ITGA8: variants seen among roughly 807,000 people sequenced by gnomAD.
ITGA8 encodes integrin subunit alpha 8.
A neutral mutation model predicts 142.3 loss-of-function variants in ITGA8; 91 were observed. The observed-to-expected ratio is 0.64, with a 90% confidence interval of 0.54 to 0.76. The LOEUF (loss-of-function observed/expected upper bound fraction) is 0.76. Ranked by LOEUF, ITGA8 falls within the 30% of genes least tolerant of loss-of-function variation. The pLI is 0.00. For missense variants in ITGA8, 1,406 were observed against 1,327.7 expected, an observed-to-expected ratio of 1.06 and a Z score of -0.92; for synonymous variants, 505 against 485.2, an observed-to-expected ratio of 1.04 and a Z score of -0.54.
intron 2 of ITGA8, among the ~76,000 whole-genome samples, chr10:15,694,322 T>TAATATATCATATATCA (rs1564412417): frequency 4.2e-4 from 5 of 11,932 alleles, no homozygotes; most frequent in African/African-American, 6.4e-4. Flanking sequence ...ATCATATATA[T>TAATATATCATATATCA]GATAATATAT....
chr10:15,538,232 G>A (rs138207226), intron 27 of ITGA8, among the ~76,000 whole-genome samples: 1,918 of 152,272 alleles, frequency 0.013, 10 homozygotes, highest in Middle Eastern at 0.027. Flanking sequence ...TCTATAGTTG[G>A]CCAGGTGCAG....
At chr10:15,591,678 C>T (rs1832925419) in intron 22 of ITGA8, among the ~76,000 whole-genome samples, 1 of 152,092 alleles carries the variant, frequency 6.6e-6, no homozygotes, top group African/African-American at 2.4e-5. Flanking sequence ...ACAGCATCAG[C>T]CTTAGAAAAG....
At chr10:15,553,229 C>T (rs186109665) in intron 26 of ITGA8, among the ~76,000 whole-genome samples, 1 of 151,786 alleles carries the variant, frequency 6.6e-6, no homozygotes, top group African/African-American at 2.4e-5. Flanking sequence ...CGCACTCCAG[C>T]CTGGGCGACA....
In ITGA8 at chr10:15,666,113, T is replaced by C. The variant is rs568962213; in HGVS notation, c.848-5191A>G. The stretch of plus-strand genomic sequence containing the variant: ...AATCTATAAATTACCTTGGGCAGTA[T>C]GGCCATTTTCAAAATATTGATTCTT... On this transcript the variant is annotated intron_variant, in intron 8 of 29. Transcript: ENST00000378076. 1.1e-4 allele frequency among the ~76,000 whole-genome samples: 17 copies of C among 152,332 alleles called. No individual in the cohort carries two copies. In the South Asian group the frequency reaches 3.3e-3, roughly 30 times the overall value.
intron 24 of ITGA8, 73 bp downstream of exon 24, chr10:15,575,416 T>C: frequency 9.8e-7 from 1 of 1,023,228 alleles, no homozygotes; most frequent in African/African-American, 1.6e-5. Context: ...ATGATAATAA[T>C]GCTACATAGA....
At chr10:15,580,034 G>GA (rs1399987330) in intron 23 of ITGA8, among the ~76,000 whole-genome samples, 2 of 113,156 alleles carry the variant, frequency 1.8e-5, no homozygotes, top group Admixed American at 1.9e-4. Context: ...AGAAAAGAAA[G>GA]AAAAAATAAA....
At chr10:15,683,907 G>T in intron 4 of ITGA8, 97 bp downstream of exon 4, 2 of 1,438,370 alleles carry the variant, frequency 1.4e-6, no homozygotes, top group Non-Finnish European at 1.9e-6. Flanking sequence ...TTGCAACCCT[G>T]TAAGTTATCA....
At chr10:15,526,145 A>T (rs1833169788) in intron 28 of ITGA8, among the ~76,000 whole-genome samples, 1 of 151,906 alleles carries the variant, frequency 6.6e-6, no homozygotes, top group African/African-American at 2.4e-5. Context: ...CAATGATGAG[A>T]TTGCCTGAAT....
At chr10:15,664,239 C>T (rs1435990632) in intron 8 of ITGA8, among the ~76,000 whole-genome samples, 2 of 151,736 alleles carry the variant, frequency 1.3e-5, no homozygotes, top group African/African-American at 4.8e-5. Flanking sequence ...GGTTTAAACC[C>T]AAGAGGTCTG....
At chr10:15,629,296 G>A (rs1833642308) in intron 13 of ITGA8, among the ~76,000 whole-genome samples, 1 of 152,002 alleles carries the variant, frequency 6.6e-6, no homozygotes, top group African/African-American at 2.4e-5. Flanking sequence ...AATTCCTAGT[G>A]AGCTGCAAGA....
At chr10:15,659,470 T>C (rs1010086481) in intron 9 of ITGA8, among the ~76,000 whole-genome samples, 7 of 152,206 alleles carry the variant, frequency 4.6e-5, no homozygotes, top group Non-Finnish European at 1.0e-4. Flanking sequence ...GGCAAAAATA[T>C]TCCTTTTACT....
intron 23 of ITGA8, among the ~76,000 whole-genome samples, chr10:15,582,428 A>G (rs1834425807): frequency 6.6e-6 from 1 of 152,244 alleles, no homozygotes; most frequent in Admixed American, 6.5e-5. Context: ...AAAACATTAA[A>G]AAATCAACTG....
Position 15,606,340 on chromosome 10 carries a change from CCTT to C in ITGA8, c.1844_1846del (p.Glu615del). ...GTTCAATATTGGTTTCACTTCCAGG[CCTT>C]CTTTAAAGGTGGATTCGTCCAAACT... On this transcript the variant is annotated inframe_deletion, in exon 18 of 30. Transcript: ENST00000378076. The C allele has an allele frequency of 6.2e-7, 1 of 1,612,068 alleles. No homozygotes were observed.
intron 25 of ITGA8, among the ~76,000 whole-genome samples, chr10:15,563,156 C>T (rs538683026): frequency 1.3e-5 from 2 of 151,650 alleles, no homozygotes; most frequent in South Asian, 2.1e-4. Context: ...CTCCCAGAAG[C>T]CAAGCAGTTG....
intron 4 of ITGA8, among the ~76,000 whole-genome samples, chr10:15,682,491 T>G (rs1834755282): frequency 6.6e-6 from 1 of 152,218 alleles, no homozygotes; most frequent in Admixed American, 6.5e-5. Flanking sequence ...AGTGTCTGAT[T>G]TACCTCAGTA....
chr10:15,599,972 C>A (rs575628969), intron 20 of ITGA8, among the ~76,000 whole-genome samples: 5 of 152,236 alleles, frequency 3.3e-5, no homozygotes, highest in African/African-American at 1.2e-4. Flanking sequence ...CTGGACCTAA[C>A]AGTTGATGTT....
At chr10:15,549,941 T>C (rs376826269) in intron 26 of ITGA8, among the ~76,000 whole-genome samples, 2 of 152,310 alleles carry the variant, frequency 1.3e-5, no homozygotes, top group Non-Finnish European at 1.5e-5. Context: ...GTCCTTGGGC[T>C]ACTAGAGTTG....
chr10:15,641,176 C>T (rs1833865695), intron 13 of ITGA8, among the ~76,000 whole-genome samples: 1 of 152,282 alleles, frequency 6.6e-6, no homozygotes, highest in Admixed American at 6.5e-5. Context: ...GCCTCAGCTG[C>T]CTGCGTAGCT....
In ITGA8 at chr10:15,694,263, TCA is replaced by T. The variant is rs1487488147; in HGVS notation, c.344-6227_344-6226del. Among the ~76,000 whole-genome samples, 140 of 97,966 alleles carry T rather than the reference TCA, an allele frequency of 1.4e-3. 4 individuals are homozygous for T. The highest frequency in any genetic ancestry group is 4.7e-3 in the African/African-American group (136 of 29,010). 64.3% of individuals were successfully genotyped at this position (97,966 alleles called of 152,430 possible). A position where few individuals can be genotyped will look rare whatever the true frequency, so the allele number is the denominator to read the frequency against. On this transcript the variant is annotated intron_variant, in intron 2 of 29. Coordinates refer to ENST00000378076, the MANE Select transcript of ITGA8 (RefSeq NM_003638.3). ...TATCATATATATGATAACATATACA[TCA>T]GATAATATATCATACATCAGATAAT... is the stretch of plus-strand genomic sequence containing the variant.
Sources: allele counts gnomAD v4.1 joint callset (sites outside exome capture counted in the v4.1 genomes callset), GRCh38; gene constraint gnomAD v4.1.1; transcripts MANE v1.5; gene names NCBI Gene and HGNC (gene_info 2026-07-23, HGNC 2026-07-21).